The following VPS13B variants were observed in gnomAD, a reference collection of about 807,000 sequenced individuals.
VPS13B encodes the protein vacuolar protein sorting 13 homolog B.
Under a neutral mutation model 426.4 loss-of-function variants are expected in VPS13B, and 285 were observed. The ratio of observed to expected loss-of-function variants is 0.67; its 90% CI spans 0.61 to 0.74. VPS13B has a LOEUF of 0.74. VPS13B is among the 30% of genes least tolerant of loss of function. VPS13B has a pLI of 0.00. For synonymous variants in VPS13B, 1,676 were observed against 1,676.4 expected (o/e 1.00, Z 0.01); for missense variants, 4,537 against 4,782.6 (o/e 0.95, Z 1.51).
chr8:99,496,936 A>G (rs754757746), intron 25 of VPS13B, among the ~76,000 whole-genome samples: 4 of 151,528 alleles, frequency 2.6e-5, no homozygotes, highest in Non-Finnish European at 4.4e-5. Context: ...TTTTCATTTT[A>G]ACTTTTTCTG....
intron 39 of VPS13B, among the ~76,000 whole-genome samples, chr8:99,727,055 G>A (rs1833381158): frequency 6.6e-6 from 1 of 152,124 alleles, no homozygotes; most frequent in South Asian, 2.1e-4. Flanking sequence ...TACTCCATGA[G>A]GTGGGCCTCA....
intron 23 of VPS13B, among the ~76,000 whole-genome samples, chr8:99,453,657 T>C (rs1439920035): frequency 6.6e-6 from 1 of 152,184 alleles, no homozygotes; most frequent in Non-Finnish European, 1.5e-5. Context: ...CCCACCACAC[T>C]TATTTTAAAA....
At chr8:99,663,050 C>T (rs765513445) in intron 35 of VPS13B, among the ~76,000 whole-genome samples, 1 of 151,938 alleles carries the variant, frequency 6.6e-6, no homozygotes, top group Non-Finnish European at 1.5e-5. Flanking sequence ...GAGCAAGACT[C>T]TGTCTCAAAA....
chr8:99,405,503 C>T (rs969530197), intron 21 of VPS13B, among the ~76,000 whole-genome samples: 1 of 152,112 alleles, frequency 6.6e-6, no homozygotes, highest in African/African-American at 2.4e-5. Flanking sequence ...TTACTGGTGC[C>T]ATTTGGTATT....
chr8:99,252,358 T>C (rs1244893709), intron 17 of VPS13B, among the ~76,000 whole-genome samples: 2 of 152,078 alleles, frequency 1.3e-5, no homozygotes, highest in Non-Finnish European at 2.9e-5. Context: ...GGGGGGATTT[T>C]CTTACTATTT....
chr8:99,784,914 G>C (rs1812187453), intron 43 of VPS13B, among the ~76,000 whole-genome samples: 1 of 152,134 alleles, frequency 6.6e-6, no homozygotes, highest in Non-Finnish European at 1.5e-5. Context: ...TGTTTCTTCA[G>C]ATTTTTTTTC....
intron 33 of VPS13B, among the ~76,000 whole-genome samples, chr8:99,641,284 G>T (rs1272834736): frequency 6.6e-6 from 1 of 152,140 alleles, no homozygotes; most frequent in African/African-American, 2.4e-5. Flanking sequence ...TTATTTTAGT[G>T]TACTTTTCTT....
At chr8:99,098,410 T>G (rs1305262325) in intron 4 of VPS13B, among the ~76,000 whole-genome samples, 1 of 152,160 alleles carries the variant, frequency 6.6e-6, no homozygotes, top group Non-Finnish European at 1.5e-5. Flanking sequence ...TCATTTAATG[T>G]TATGCCAAAA....
At chr8:99,048,900 T>C (rs1267151678) in intron 3 of VPS13B, among the ~76,000 whole-genome samples, 1 of 152,206 alleles carries the variant, frequency 6.6e-6, no homozygotes, top group South Asian at 2.1e-4. Context: ...ACATAGCCTT[T>C]TATCATTATA....
chr8:99,144,053 A>G (rs1810569813), intron 13 of VPS13B, among the ~76,000 whole-genome samples: 2 of 152,134 alleles, frequency 1.3e-5, no homozygotes, highest in South Asian at 4.2e-4. Context: ...ATACAATGGT[A>G]TGGGCTGGAC....
At chr8:99,657,219 A>G (rs1343253358) in intron 34 of VPS13B, among the ~76,000 whole-genome samples, 3 of 152,144 alleles carry the variant, frequency 2.0e-5, no homozygotes, top group Non-Finnish European at 4.4e-5. Flanking sequence ...GTGCCAAAAG[A>G]GAGGCAACTG....
chr8:99,027,966 C>T (rs866496280), intron 2 of VPS13B, among the ~76,000 whole-genome samples: 7 of 152,272 alleles, frequency 4.6e-5, no homozygotes, highest in Middle Eastern at 3.4e-3. Context: ...CATCTTGCAC[C>T]GCCCTTAATC....
At chr8:99,037,015 G>A (rs1462446867) in intron 2 of VPS13B, among the ~76,000 whole-genome samples, 1 of 152,062 alleles carries the variant, frequency 6.6e-6, no homozygotes, top group Non-Finnish European at 1.5e-5. Context: ...TGGGGATAAT[G>A]CTATTTACAT....
At chr8:99,208,537 C>T (rs1439019066) in intron 17 of VPS13B, among the ~76,000 whole-genome samples, 1 of 151,924 alleles carries the variant, frequency 6.6e-6, no homozygotes, top group Non-Finnish European at 1.5e-5. Context: ...TAAACATCTT[C>T]ATATTATATG....
chr8:99,820,266 T>G (rs990761226), intron 49 of VPS13B, 144 bp downstream of exon 49: 3 of 775,552 alleles, frequency 3.9e-6, no homozygotes, highest in Non-Finnish European at 6.2e-6. Context: ...GGAATGTTCT[T>G]TGATATTCAA....
At chr8:99,334,692 C>T (rs1008766361) in intron 19 of VPS13B, among the ~76,000 whole-genome samples, 1 of 152,150 alleles carries the variant, frequency 6.6e-6, no homozygotes, top group Non-Finnish European at 1.5e-5. Context: ...CCTTGCATCC[C>T]AGGGGTGAAG....
intron 8 of VPS13B, among the ~76,000 whole-genome samples, chr8:99,131,975 C>A (rs767544395): frequency 2.1e-4 from 32 of 152,268 alleles, no homozygotes; most frequent in Admixed American, 3.9e-4. Flanking sequence ...TGGCTCACTG[C>A]AACCTCCGCC....
chr8:99,776,515 G>A (rs1212868293), intron 40 of VPS13B, among the ~76,000 whole-genome samples: 3 of 152,028 alleles, frequency 2.0e-5, no homozygotes, highest in African/African-American at 4.8e-5. Flanking sequence ...GGCTGGTCTC[G>A]AACTCCTGAG....
intron 3 of VPS13B, among the ~76,000 whole-genome samples, chr8:99,073,019 GA>G (rs1277236121): frequency 6.6e-6 from 1 of 152,108 alleles, no homozygotes; most frequent in Non-Finnish European, 1.5e-5. Flanking sequence ...ATATTTCAAA[GA>G]CAGTGTGATG....
Sources: gnomAD v4.1 joint callset for allele counts (sites outside exome capture counted in the v4.1 genomes callset) on GRCh38, gnomAD v4.1.1 for gene constraint, MANE v1.5 for transcripts, NCBI Gene and HGNC (gene_info 2026-07-23, HGNC 2026-07-21) for gene names.